Variants in UNC5C observed in about 807,000 individuals in gnomAD.
UNC5C encodes the protein unc-5 netrin receptor C.
UNC5C carries 47 observed loss-of-function variants against 99.8 expected under a neutral mutation model. The ratio of observed to expected loss-of-function variants is 0.47; its 90% CI spans 0.37 to 0.60. The LOEUF (loss-of-function observed/expected upper bound fraction) is 0.60. Among genes scored for constraint, UNC5C ranks in the 20% least tolerant of loss-of-function variants. UNC5C has a pLI of 0.00. For synonymous variants in UNC5C, 487 were observed against 452.2 expected (o/e 1.08, Z -0.98); for missense variants, 1,062 against 1,165.9 (o/e 0.91, Z 1.30).
rs190439142 is a variant in UNC5C at position 95,240,380 on chromosome 4, T to G, written c.1108+2049A>C. Among the ~76,000 whole-genome samples, 444 of 152,318 alleles carry G rather than the reference T, an allele frequency of 2.9e-3. 2 individuals are homozygous for G. The highest frequency in any genetic ancestry group is 9.8e-3 in the African/African-American group (409 of 41,574). ...CTATAGCTTTCACTGTAAAATACTG[T>G]AATTACACAGTGCAGAATATCTCTG... On this transcript the variant is annotated intron_variant, in intron 7 of 15. Transcript: ENST00000453304.
At chr4:95,260,051 C>T (rs1458498769) in intron 4 of UNC5C, among the ~76,000 whole-genome samples, 27 of 152,116 alleles carry the variant, frequency 1.8e-4, no homozygotes. Flanking sequence ...CTTTCCCTAC[C>T]ACCCTGAAAG....
intron 2 of UNC5C, among the ~76,000 whole-genome samples, chr4:95,316,662 G>A (rs1483737): frequency 0.73 from 111,077 of 152,038 alleles, 40,780 homozygotes; most frequent in East Asian, 0.86. Flanking sequence ...CTCATTAACA[G>A]TTTTCACAAT....
At chr4:95,483,060 TAA>T (rs70948417) in intron 1 of UNC5C, among the ~76,000 whole-genome samples, 7 of 142,804 alleles carry the variant, frequency 4.9e-5, no homozygotes, top group South Asian at 2.2e-4. Context: ...CATGCAGTAA[TAA>T]AAAAAAAAAG....
In UNC5C at chr4:95,182,174, T is replaced by C. The variant is rs568794254; in HGVS notation, c.2451+723A>G. On this transcript the variant is annotated intron_variant, in intron 14 of 15. Transcript: ENST00000453304. ...TCTTTCCTTAAGGAGAAGTTTTAGA[T>C]AGCAGTGATCACTATTATTTCTGTA... 8.5e-5 allele frequency among the ~76,000 whole-genome samples: 13 copies of C among 152,264 alleles called. 1 individual carries two copies. Among genetic ancestry groups the C allele is most frequent in the Admixed American group, 7.8e-4 (12 of 15,298 alleles).
At chr4:95,328,065 T>TTTTTTTTTTTTTTTTTTTAA (rs1742966674) in intron 2 of UNC5C, among the ~76,000 whole-genome samples, 1 of 83,670 alleles carries the variant, frequency 1.2e-5, no homozygotes, top group African/African-American at 4.5e-5. Context: ...TTTTTTAATT[T>TTTTTTTTTTTTTTTTTTTAA]TTTTTTTTTT....
intron 1 of UNC5C, among the ~76,000 whole-genome samples, chr4:95,459,231 T>C (rs1226416452): frequency 1.3e-5 from 2 of 152,188 alleles, no homozygotes; most frequent in Non-Finnish European, 2.9e-5. Flanking sequence ...CATCGCTTCC[T>C]ATGTGGAGCA....
At chr4:95,250,794 T>C (rs1228417242) in intron 4 of UNC5C, 127 bp from the exon 5 acceptor site, 1 of 934,700 alleles carries the variant, frequency 1.1e-6, no homozygotes, top group Non-Finnish European at 1.6e-6. Flanking sequence ...TGTTTTGTAA[T>C]ATGTACAATG....
At chr4:95,200,154 G>GACTT (rs1315050861) in intron 12 of UNC5C, among the ~76,000 whole-genome samples, 4 of 152,134 alleles carry the variant, frequency 2.6e-5, no homozygotes, top group African/African-American at 9.7e-5. Flanking sequence ...CTTCCCAGTG[G>GACTT]ACTTATCCTG....
At chr4:95,242,713 A>T in intron 6 of UNC5C, 120 bp from the exon 7 acceptor site, 1 of 1,155,560 alleles carries the variant, frequency 8.7e-7, no homozygotes, top group Non-Finnish European at 1.2e-6. Context: ...ACTGAGAAGC[A>T]CTGTATTCAT....
intron 14 of UNC5C, among the ~76,000 whole-genome samples, chr4:95,177,104 C>G (rs1001472341): frequency 6.6e-6 from 1 of 152,294 alleles, no homozygotes; most frequent in East Asian, 1.9e-4. Context: ...CTTCGGCTCA[C>G]GCACGGTGCG....
intron 1 of UNC5C, among the ~76,000 whole-genome samples, chr4:95,547,060 C>T (rs1437817432): frequency 6.6e-6 from 1 of 151,826 alleles, no homozygotes; most frequent in Non-Finnish European, 1.5e-5. Context: ...CTTCCAAACA[C>T]CCCCCTCTAA....
At chr4:95,469,045 G>A (rs1747885444) in intron 1 of UNC5C, among the ~76,000 whole-genome samples, 1 of 152,100 alleles carries the variant, frequency 6.6e-6, no homozygotes, top group African/African-American at 2.4e-5. Flanking sequence ...GATAAGGGCA[G>A]TTCCAGTCAT....
intron 12 of UNC5C, among the ~76,000 whole-genome samples, chr4:95,193,688 G>A (rs1182255062): frequency 6.6e-6 from 1 of 152,108 alleles, no homozygotes; most frequent in African/African-American, 2.4e-5. Context: ...ACAGCTGTGG[G>A]GGCCTGCACT....
chr4:95,446,075 T>C (rs1287864997), intron 1 of UNC5C, among the ~76,000 whole-genome samples: 1 of 152,156 alleles, frequency 6.6e-6, no homozygotes, highest in Non-Finnish European at 1.5e-5. Context: ...ACACACTTTG[T>C]CTCAAGAGAG....
chr4:95,262,573 A>C (rs1296610586), intron 4 of UNC5C, among the ~76,000 whole-genome samples: 1 of 152,172 alleles, frequency 6.6e-6, no homozygotes, highest in East Asian at 1.9e-4. Flanking sequence ...ATAAAAATTC[A>C]GTCTTTATGC....
At chr4:95,255,952 C>A (rs1739963085) in intron 4 of UNC5C, among the ~76,000 whole-genome samples, 1 of 152,096 alleles carries the variant, frequency 6.6e-6, no homozygotes, top group Non-Finnish European at 1.5e-5. Flanking sequence ...ATAGCTGCTC[C>A]TTTCTCTTTG....
chr4:95,473,853 G>A (rs758608748), intron 1 of UNC5C, among the ~76,000 whole-genome samples: 8 of 152,092 alleles, frequency 5.3e-5, no homozygotes, highest in Non-Finnish European at 1.2e-4. Context: ...GTTTCAGAAG[G>A]ATGGAATTTT....
intron 4 of UNC5C, among the ~76,000 whole-genome samples, chr4:95,263,199 T>C (rs1740311076): frequency 6.6e-6 from 1 of 152,216 alleles, no homozygotes. Flanking sequence ...GTGTCTGCAT[T>C]CCATTGGATA....
chr4:95,190,060 T>C (rs1737008055), intron 12 of UNC5C, among the ~76,000 whole-genome samples: 1 of 152,190 alleles, frequency 6.6e-6, no homozygotes, highest in South Asian at 2.1e-4. Context: ...ATTGCGGCAC[T>C]ATTCACAATA....
Sources: gnomAD v4.1 joint callset for allele counts (sites outside exome capture counted in the v4.1 genomes callset) on GRCh38, gnomAD v4.1.1 for gene constraint, MANE v1.5 for transcripts, NCBI Gene and HGNC (gene_info 2026-07-23, HGNC 2026-07-21) for gene names.